The following AGO3 variants were observed in gnomAD, a reference collection of about 807,000 sequenced individuals.
The protein encoded by AGO3 is protein argonaute-3.
In AGO3, 16 loss-of-function variants were observed where a neutral mutation model predicts 105.5. The ratio of observed to expected loss-of-function variants is 0.15; its 90% CI spans 0.10 to 0.23. AGO3 has a LOEUF of 0.23. AGO3 is among the 10% of genes least tolerant of loss of function. The pLI is 1.00. For synonymous variants in AGO3, 340 were observed against 367.3 expected (o/e 0.93, Z 0.85); for missense variants, 534 against 1,088.0 (o/e 0.49, Z 7.16).
At chr1:35,981,970 G>C (rs536698123) in intron 5 of AGO3, among the ~76,000 whole-genome samples, 2 of 152,140 alleles carry the variant, frequency 1.3e-5, no homozygotes, top group Non-Finnish European at 2.9e-5. Context: ...GCATTTTTAG[G>C]TTTTTATTAT....
intron 5 of AGO3, among the ~76,000 whole-genome samples, chr1:35,992,692 TTAATAAATG>T (rs1162278648): frequency 6.6e-6 from 1 of 152,258 alleles, no homozygotes; most frequent in East Asian, 1.9e-4. Context: ...TAGCATATAC[TTAATAAATG>T]TTTGGATGGT....
intron 16 of AGO3, among the ~76,000 whole-genome samples, chr1:36,042,098 G>GT (rs769408978): frequency 1.3e-4 from 19 of 151,612 alleles, no homozygotes; most frequent in Non-Finnish European, 2.4e-4. Context: ...TTTTGTTTTT[G>GT]TTTTTTTTGA....
At position 36,014,158 on chromosome 1, in the gene AGO3, G is replaced by A. The variant is rs1196886520; in HGVS notation, c.1406+110G>A. Reference sequence around the variant, plus strand: ...TTAATATGAAGTATATGTAATCACTGAACCATTTTTTTTTTTTTGAGACAG... The same window carrying A: ...TTAATATGAAGTATATGTAATCACTAAACCATTTTTTTTTTTTTGAGACAG... On this transcript the variant is annotated intron_variant, in intron 11 of 18. Transcript: ENST00000373191. 8 of 1,422,178 alleles carry A rather than the reference G, an allele frequency of 5.6e-6. No individual in the cohort carries two copies. The South Asian group carries it at 8.1e-5, about 14-fold the overall frequency. The allele number at this position is 1,422,178 out of a possible 1,614,324, so 88.1% of individuals were successfully genotyped here.
chr1:35,963,817 C>T (rs761593236), intron 2 of AGO3, among the ~76,000 whole-genome samples: 3 of 152,064 alleles, frequency 2.0e-5, no homozygotes, highest in Non-Finnish European at 2.9e-5. Flanking sequence ...GTGTCAACAA[C>T]CAGTTGGGTG....
intron 5 of AGO3, among the ~76,000 whole-genome samples, chr1:35,978,288 C>G (rs760525649): frequency 6.6e-6 from 1 of 152,136 alleles, no homozygotes; most frequent in Non-Finnish European, 1.5e-5. Context: ...CTCCCTGGTT[C>G]AAGCGATTGT....
chr1:36,005,774 G>T, intron 6 of AGO3: 1 of 985,328 alleles, frequency 1.0e-6, no homozygotes, highest in Non-Finnish European at 1.2e-6. Context: ...GCATGGACTC[G>T]ATCTTAACTT....
Position 35,931,346 on chromosome 1 carries a change from G to C in AGO3, c.-81G>C. On this transcript the variant is annotated 5_prime_UTR_variant, in exon 1 of 19. Transcript: ENST00000373191. ...CGAGTGAGAGTGCCCGTCGCGTCGC[G>C]CCGCGTCGCCCCCCGGGCCGCCTCC... 1.5e-6 allele frequency: 2 copies of C among 1,318,906 alleles called. No homozygotes were observed. The highest frequency in any genetic ancestry group is 3.8e-5 in the South Asian group (2 of 52,344). 81.7% of individuals were successfully genotyped at this position (1,318,906 alleles called of 1,614,324 possible).
chr1:35,965,962 A>G lies in AGO3; in HGVS notation c.192-993A>G, dbSNP rs1331506272. The stretch of plus-strand genomic sequence containing the variant: ...TGCCTCAGCCTCCCAAGTAGCTGAG[A>G]CTACAGGCATGCGCCACTGTACCCG... On this transcript the variant is annotated intron_variant, in intron 2 of 18. Transcript: ENST00000373191. Among the ~76,000 whole-genome samples the G allele has an allele frequency of 2.6e-5, 4 of 151,550 alleles. No homozygotes were observed. The East Asian group carries it at 7.8e-4, about 29-fold the overall frequency.
At chr1:35,947,333 C>T (rs1238338459) in intron 2 of AGO3, among the ~76,000 whole-genome samples, 1 of 151,886 alleles carries the variant, frequency 6.6e-6, no homozygotes, top group Non-Finnish European at 1.5e-5. Flanking sequence ...GTAGCCTCTA[C>T]CTCTTTCCTA....
chr1:36,036,830 G>T (rs946662772), intron 14 of AGO3, among the ~76,000 whole-genome samples: 1 of 152,048 alleles, frequency 6.6e-6, no homozygotes, highest in Non-Finnish European at 1.5e-5. Context: ...GAGTAGCTGG[G>T]ATTACAGGCA....
chr1:35,966,978 A>G lies in AGO3; in HGVS notation c.215A>G (p.Gln72Arg). The G allele has an allele frequency of 6.2e-7, 1 of 1,613,182 alleles. No homozygotes were observed. Among genetic ancestry groups the G allele is most frequent in the South Asian group, 1.1e-5 (1 of 90,886 alleles). Residue 72 changes from glutamine (Q) to arginine (R), a missense_variant, in exon 3 of 19, where the codon CAG (glutamine) becomes CGG (arginine). This residue lies in a region of AGO3 where 161 missense variants were observed against 234.0 expected (regional missense o/e 0.69). Coordinates refer to ENST00000373191, the MANE Select transcript of AGO3 (RefSeq NM_024852.4). ...VNREVVDSMV[Q>R]HFKVTIFGDR... ...AGGGAGGTGGTTGACTCAATGGTTC[A>G]GCATTTTAAAGTAACTATATTTGGA...
chr1:35,970,426 C>T (rs959494256), intron 3 of AGO3, among the ~76,000 whole-genome samples: 5 of 152,066 alleles, frequency 3.3e-5, no homozygotes, highest in African/African-American at 9.7e-5. Context: ...TTCCTGGCTC[C>T]TCAAAACATC....
intron 1 of AGO3, among the ~76,000 whole-genome samples, chr1:35,935,311 G>A (rs1646129718): frequency 6.6e-6 from 1 of 152,160 alleles, no homozygotes; most frequent in Non-Finnish European, 1.5e-5. Flanking sequence ...ATATAATTCA[G>A]TTAACATGAA....
intron 16 of AGO3, among the ~76,000 whole-genome samples, chr1:36,041,072 CAAAAAAA>C (rs35842002): frequency 1.8e-4 from 6 of 33,230 alleles, no homozygotes; most frequent in South Asian, 1.0e-3. Flanking sequence ...AACTCCATCT[CAAAAAAA>C]AAAAAAAAAA....
At chr1:36,015,085 T>C (rs1014946979) in intron 11 of AGO3, among the ~76,000 whole-genome samples, 2 of 152,082 alleles carry the variant, frequency 1.3e-5, no homozygotes, top group African/African-American at 4.8e-5. Flanking sequence ...GATTCAGGGT[T>C]CACTCCCACA....
At chr1:35,933,000 ATCAAACCACCTAG>A (rs946487118) in intron 1 of AGO3, among the ~76,000 whole-genome samples, 1 of 149,566 alleles carries the variant, frequency 6.7e-6, no homozygotes, top group African/African-American at 2.5e-5. Context: ...CATTTGTTAC[ATCAAACCACCTAG>A]TCAACTGGTA....
chr1:36,002,324 ATTTTTTT>A lies in AGO3; in HGVS notation c.659-2000_659-1994del, dbSNP rs375411955. Among the ~76,000 whole-genome samples, 29 of 119,226 alleles carry A rather than the reference ATTTTTTT, an allele frequency of 2.4e-4. 1 individual carries two copies. The highest frequency in any genetic ancestry group is 9.0e-4 in the African/African-American group (25 of 27,830). 78.2% of individuals were successfully genotyped at this position (119,226 alleles called of 152,430 possible). A position where few individuals can be genotyped will look rare whatever the true frequency, so the allele number is the denominator to read the frequency against. On this transcript the variant is annotated intron_variant, in intron 5 of 18. Coordinates refer to ENST00000373191, the MANE Select transcript of AGO3 (RefSeq NM_024852.4). ...TGAGCCACTGTACCCAGCCAAGATA[ATTTTTTT>A]TTTTTTTTTTTTTTTTGAGACAGAA...
At position 36,008,623 on chromosome 1, in the gene AGO3, G is replaced by A; in HGVS notation, c.794-67G>A. The A allele has an allele frequency of 1.3e-6, 2 of 1,484,426 alleles. No homozygotes were observed. Among genetic ancestry groups the A allele is most frequent in the East Asian group, 4.6e-5 (2 of 43,764 alleles). The allele number at this position is 1,484,426 out of a possible 1,614,324, so 92.0% of individuals were successfully genotyped here. ...AATTGAGTTTTTATGGTAATGAACAGGCTTTATAAGTATAAATATTTTACA... is the reference window on the plus strand; with the variant it reads ...AATTGAGTTTTTATGGTAATGAACAAGCTTTATAAGTATAAATATTTTACA... On this transcript the variant is annotated intron_variant, in intron 6 of 18. Coordinates refer to ENST00000373191, the MANE Select transcript of AGO3 (RefSeq NM_024852.4). This position sits in a 1 kb window ranked among gnomAD's most constrained non-coding sequence, Gnocchi z 5.1.
chr1:36,015,513 C>T (rs1640859950), intron 11 of AGO3, among the ~76,000 whole-genome samples: 1 of 152,218 alleles, frequency 6.6e-6, no homozygotes. Flanking sequence ...AGTCCCAGCC[C>T]TCTAATCCTG....
Sources: gnomAD v4.1 joint callset for allele counts (sites outside exome capture counted in the v4.1 genomes callset) on GRCh38, gnomAD v4.1.1 for gene constraint, gnomAD v4.1.1 regional missense constraint, Gnocchi (gnomAD v3.1) non-coding constraint, MANE v1.5 for transcripts, NCBI Gene and HGNC (gene_info 2026-07-23, HGNC 2026-07-21) for gene names.